SH3PXD2A: variants seen among roughly 807,000 people sequenced by gnomAD.
The protein encoded by SH3PXD2A is SH3 and PX domains 2A, also known as SH3 and PX domain-containing protein 2A.
SH3PXD2A carries 32 observed loss-of-function variants against 115.2 expected under a neutral mutation model. The observed-to-expected ratio is 0.28, with a 90% CI of 0.21 to 0.37. SH3PXD2A has a LOEUF of 0.37. Ranked by LOEUF, SH3PXD2A falls within the 10% of genes least tolerant of loss-of-function variation. SH3PXD2A has a pLI of 1.00. For missense variants in SH3PXD2A, 1,328 were observed against 1,498.7 expected (o/e 0.89, Z 1.88); for synonymous variants, 610 against 629.1 (o/e 0.97, Z 0.45).
intron 2 of SH3PXD2A, among the ~76,000 whole-genome samples, chr10:103,769,217 C>T (rs139432923): frequency 8.5e-4 from 127 of 149,448 alleles, no homozygotes; most frequent in Non-Finnish European, 1.6e-3. Context: ...TCCATCCATC[C>T]GTTTGTCCAC....
chr10:103,701,582 TCATC>T (rs1409886088), intron 5 of SH3PXD2A, among the ~76,000 whole-genome samples: 5 of 124,182 alleles, frequency 4.0e-5, no homozygotes, highest in Admixed American at 8.3e-5. Flanking sequence ...CATCCATCCA[TCATC>T]CATCCATCAT....
intron 6 of SH3PXD2A, among the ~76,000 whole-genome samples, chr10:103,678,589 A>G (rs1347524378): frequency 1.3e-5 from 2 of 152,084 alleles, no homozygotes; most frequent in Non-Finnish European, 2.9e-5. Flanking sequence ...AGGTTGGGAC[A>G]CTTCTCTGGG....
At chr10:103,794,676 T>C (rs1351894544) in intron 2 of SH3PXD2A, among the ~76,000 whole-genome samples, 1 of 152,244 alleles carries the variant, frequency 6.6e-6, no homozygotes, top group African/African-American at 2.4e-5. Context: ...GCCTCGACGT[T>C]AGGCCCTGTC....
chr10:103,681,744 ACACACACACGCGCCCGCGCGCGCGCGCG>A (rs1291594871), intron 6 of SH3PXD2A, among the ~76,000 whole-genome samples: 6 of 143,282 alleles, frequency 4.2e-5, no homozygotes, highest in East Asian at 2.1e-4. Flanking sequence ...ACTCCATCAC[ACACACACACGCGCCCGCGCGCGCGCGCG>A]CACACACACA....
Position 103,744,172 on chromosome 10 carries a change from C to T in SH3PXD2A, c.230-8364G>A, listed in dbSNP as rs1017690953. Among the ~76,000 whole-genome samples, 10 of 128,542 alleles carry T rather than the reference C, an allele frequency of 7.8e-5. No individual in the cohort carries two copies. The South Asian group carries it at 9.8e-4, about 13-fold the overall frequency. The allele number at this position is 128,542 out of a possible 152,430, so 84.3% of individuals were successfully genotyped here. ...TGCTTGTCTTTTTTTTTTTTTTTTG[C>T]GACAGAGTTTCGCTCTTGTTGCCCA... On this transcript the variant is annotated intron_variant, in intron 3 of 14. Transcript: ENST00000369774.
Position 103,681,893 on chromosome 10 carries a change from T to C in SH3PXD2A, c.427+11135A>G, listed in dbSNP as rs971132259. On this transcript the variant is annotated intron_variant, in intron 6 of 14. Transcript: ENST00000369774. ...GGGAGTTTGAGACCAGCCTGGGCAA[T>C]ATGGTGAAACCCTGTCTCTTAAGAA... 7.9e-5 allele frequency among the ~76,000 whole-genome samples: 12 copies of C among 152,062 alleles called. No homozygotes were observed. In the East Asian group the frequency reaches 2.3e-3, roughly 29 times the overall value.
Position 103,665,052 on chromosome 10 carries a change from A to C in SH3PXD2A, c.472+3556T>G, listed in dbSNP as rs2037366195. On this transcript the variant is annotated intron_variant, in intron 7 of 14. Transcript: ENST00000369774. The surrounding 1 kb of genome is among the most constrained non-coding windows in gnomAD (Gnocchi z 4.0). ...CCTGTTAGGTGGCAGGCACTCAATA[A>C]GTGTGAAATGAACCAGTGAAACGCG... is the stretch of plus-strand genomic sequence containing the variant. Among the ~76,000 whole-genome samples, 1 of 152,198 alleles carries C rather than the reference A, an allele frequency of 6.6e-6. No individual in the cohort carries two copies. The highest frequency in any genetic ancestry group is 1.5e-5 in the Non-Finnish European group (1 of 68,022).
At position 103,603,363 on chromosome 10, in the gene SH3PXD2A, T is replaced by C. The variant is rs2036249880; in HGVS notation, c.1855A>G (p.Ile619Val). The change falls in exon 15 of 15, where the codon ATC (isoleucine) becomes GTC (valine). Residue 619 changes from isoleucine to valine, a missense_variant. By Grantham distance (29) the Ile-to-Val change is conservative. Around this residue, in one of 5 missense-constraint regions of SH3PXD2A, gnomAD observed 509 missense variants for 628.3 expected, o/e 0.81. Coordinates refer to ENST00000369774, the MANE Select transcript of SH3PXD2A (RefSeq NM_001394015.1). ...GGCCGGAAGCCCTCATTCTCATAGA[T>C]GGTCTCCTCTTCCAGGGCCACATCC... is the stretch of plus-strand genomic sequence containing the variant. ...SEDVALEEET[I>V]YENEGFRPYA... The C allele has an allele frequency of 9.3e-6, 15 of 1,614,176 alleles. No homozygotes were observed. The highest frequency in any genetic ancestry group is 2.2e-5 in the South Asian group (2 of 91,082).
At chr10:103,806,212 C>T (rs990372222) in intron 1 of SH3PXD2A, among the ~76,000 whole-genome samples, 1 of 152,094 alleles carries the variant, frequency 6.6e-6, no homozygotes, top group Non-Finnish European at 1.5e-5. Context: ...CCCAGCCTAC[C>T]CCCCTGGACA....
intron 1 of SH3PXD2A, among the ~76,000 whole-genome samples, chr10:103,831,757 C>T (rs2039484664): frequency 6.6e-6 from 1 of 152,098 alleles, no homozygotes; most frequent in Non-Finnish European, 1.5e-5. Context: ...CTATCTAATT[C>T]CAGAACATTT....
intron 7 of SH3PXD2A, among the ~76,000 whole-genome samples, chr10:103,664,678 T>TA (rs2037360901): frequency 6.6e-6 from 1 of 151,248 alleles, no homozygotes; most frequent in African/African-American, 2.4e-5. Flanking sequence ...CTCTTTTTTT[T>TA]TTTTTTGAGA....
intron 5 of SH3PXD2A, among the ~76,000 whole-genome samples, chr10:103,696,810 G>A (rs146943923): frequency 8.5e-4 from 130 of 152,318 alleles, no homozygotes; most frequent in African/African-American, 3.0e-3. Flanking sequence ...TGGTCCAGGG[G>A]TGACTCAAAC....
intron 3 of SH3PXD2A, among the ~76,000 whole-genome samples, chr10:103,738,159 C>A (rs1395909271): frequency 2.0e-5 from 3 of 152,224 alleles, no homozygotes; most frequent in African/African-American, 7.2e-5. Context: ...ACTGTGCAGA[C>A]AGACGACATC....
intron 3 of SH3PXD2A, among the ~76,000 whole-genome samples, chr10:103,764,378 T>C (rs2134221361): frequency 6.6e-6 from 1 of 151,780 alleles, no homozygotes; most frequent in East Asian, 1.9e-4. Context: ...GGAGAGTGAG[T>C]GAGCTGAAGA....
In SH3PXD2A at chr10:103,627,105, G is replaced by A. The variant is rs1344765606; in HGVS notation, c.702C>T (p.Thr234=). The change falls in exon 9 of 15, where the codon ACC becomes ACT. Residue 234 remains threonine, a synonymous_variant. Transcript: ENST00000369774. The surrounding 1 kb of genome is among the most constrained non-coding windows in gnomAD (Gnocchi z 4.4). Reference sequence around the variant, plus strand: ...AGCCCTCACCTTCTCCAGTCTTAGAGGTGTTGATGTCGGAGTCATCCCGAG... The same window carrying A: ...AGCCCTCACCTTCTCCAGTCTTAGAAGTGTTGATGTCGGAGTCATCCCGAG... ...NGTRDDSDIN[T]SKTGEVSKRR... is the part of the protein sequence containing the mutation. 1 of 1,605,584 alleles carries A rather than the reference G, an allele frequency of 6.2e-7. No individual in the cohort carries two copies. The highest frequency in any genetic ancestry group is 2.2e-5 in the East Asian group (1 of 44,838).
At chr10:103,678,991 C>T (rs2037575185) in intron 6 of SH3PXD2A, among the ~76,000 whole-genome samples, 1 of 152,146 alleles carries the variant, frequency 6.6e-6, no homozygotes, top group African/African-American at 2.4e-5. Context: ...AAAGAGATGC[C>T]CCACATGGAA....
intron 3 of SH3PXD2A, among the ~76,000 whole-genome samples, chr10:103,744,328 T>C (rs904728729): frequency 2.0e-5 from 3 of 152,000 alleles, no homozygotes; most frequent in Non-Finnish European, 4.4e-5. Context: ...TAATTTTGTA[T>C]TTTTAGTAGA....
chr10:103,835,705 G>A (rs1024071774), intron 1 of SH3PXD2A, among the ~76,000 whole-genome samples: 1 of 152,114 alleles, frequency 6.6e-6, no homozygotes, highest in Non-Finnish European at 1.5e-5. Flanking sequence ...TGATTTTCCA[G>A]TCTCCCGTGC....
At chr10:103,730,402 C>T (rs538335434) in intron 4 of SH3PXD2A, among the ~76,000 whole-genome samples, 2 of 152,108 alleles carry the variant, frequency 1.3e-5, no homozygotes, top group South Asian at 4.2e-4. Context: ...CCTCTGGCCT[C>T]CCACCTGTGT....
Sources: allele counts gnomAD v4.1 joint callset (sites outside exome capture counted in the v4.1 genomes callset), GRCh38; gene constraint gnomAD v4.1.1; regional missense constraint gnomAD v4.1.1; non-coding constraint Gnocchi (gnomAD v3.1); transcripts MANE v1.5; gene names NCBI Gene and HGNC (gene_info 2026-07-23, HGNC 2026-07-21).